Variants in TOX2 observed in about 807,000 individuals in gnomAD.
TOX2 encodes the protein granulosa cell HMG box 1.
In TOX2, 15 loss-of-function variants were observed where a neutral mutation model predicts 47.4. That is an observed-to-expected ratio of 0.32 (90% CI 0.21 to 0.49). The LOEUF is 0.49. Among genes scored for constraint, TOX2 ranks in the 20% least tolerant of loss-of-function variants. The pLI, the probability that TOX2 is intolerant of heterozygous loss-of-function variation, is 0.99. For missense variants in TOX2, 622 were observed against 673.1 expected (o/e 0.92, Z 0.84); for synonymous variants, 290 against 296.6 (o/e 0.98, Z 0.23).
chr20:44,069,040 C>T lies in TOX2; in HGVS notation c.*354C>T. 1 of 426,212 alleles carries T rather than the reference C, an allele frequency of 2.3e-6. No individual in the cohort carries two copies. Among genetic ancestry groups the T allele is most frequent in the Non-Finnish European group, 4.5e-6 (1 of 220,690 alleles). 26.4% of individuals were successfully genotyped at this position (426,212 alleles called of 1,614,324 possible). A position where few individuals can be genotyped will look rare whatever the true frequency, so the allele number is the denominator to read the frequency against. ...GGCCGCCCCTGGCGGGGTCGCTTAC[C>T]AACGGACACCCACCCCAGATGCATG... On this transcript the variant is annotated 3_prime_UTR_variant, in exon 9 of 9. Transcript: ENST00000341197.
chr20:44,064,160 C>T (rs977399506), intron 5 of TOX2, among the ~76,000 whole-genome samples: 2 of 152,134 alleles, frequency 1.3e-5, no homozygotes, highest in East Asian at 1.9e-4. Context: ...CAAGAGGGCT[C>T]ACCAATATGT....
intron 1 of TOX2, among the ~76,000 whole-genome samples, chr20:43,933,745 C>T (rs1479320548): frequency 6.6e-6 from 1 of 152,158 alleles, no homozygotes; most frequent in African/African-American, 2.4e-5. Context: ...AGGTATCATG[C>T]CTCCTGTGCC....
At chr20:43,976,709 A>G (rs891450508) in intron 2 of TOX2, among the ~76,000 whole-genome samples, 6 of 152,168 alleles carry the variant, frequency 3.9e-5, no homozygotes, top group African/African-American at 1.4e-4. Context: ...CTAGACTTGA[A>G]TGATGAAAGT....
At chr20:44,031,464 T>C (rs765794658) in intron 3 of TOX2, among the ~76,000 whole-genome samples, 8 of 152,186 alleles carry the variant, frequency 5.3e-5, no homozygotes, top group Admixed American at 2.0e-4. Context: ...TCCATCTGTT[T>C]GTCCCGCTGG....
intron 2 of TOX2, among the ~76,000 whole-genome samples, chr20:43,984,060 G>C (rs930130212): frequency 6.6e-6 from 1 of 152,170 alleles, no homozygotes; most frequent in East Asian, 1.9e-4. Flanking sequence ...TGAAGAGCTC[G>C]CGATTCATAT....
chr20:43,957,865 A>G (rs2069694320), intron 1 of TOX2, among the ~76,000 whole-genome samples: 1 of 152,188 alleles, frequency 6.6e-6, no homozygotes, highest in South Asian at 2.1e-4. Flanking sequence ...CAGGAGAGAC[A>G]GAGCAAGTGG....
intron 1 of TOX2, among the ~76,000 whole-genome samples, chr20:43,963,344 G>T (rs186969467): frequency 6.6e-6 from 1 of 152,118 alleles, no homozygotes; most frequent in East Asian, 1.9e-4. Context: ...TCCTGAAGGG[G>T]CCCACAGCAC....
chr20:43,939,070 C>T (rs1208804630), intron 1 of TOX2, among the ~76,000 whole-genome samples: 2 of 152,192 alleles, frequency 1.3e-5, no homozygotes, highest in Admixed American at 1.3e-4. Flanking sequence ...GCCAAAGCCC[C>T]AGCTTGGGTA....
At chr20:44,068,184 A>G (rs1388439033) in intron 8 of TOX2, among the ~76,000 whole-genome samples, 2 of 152,078 alleles carry the variant, frequency 1.3e-5, no homozygotes, top group Non-Finnish European at 2.9e-5. Context: ...CAAAAGTCAG[A>G]ATACTTAGGG....
At chr20:44,059,026 C>CA (rs1600798221) in intron 5 of TOX2, among the ~76,000 whole-genome samples, 1 of 151,908 alleles carries the variant, frequency 6.6e-6, no homozygotes, top group South Asian at 2.1e-4. Flanking sequence ...CAAACCAAGA[C>CA]AAAATCTCTG....
At chr20:43,989,445 A>G (rs1028001616) in intron 2 of TOX2, among the ~76,000 whole-genome samples, 1 of 152,208 alleles carries the variant, frequency 6.6e-6, no homozygotes, top group African/African-American at 2.4e-5. Flanking sequence ...ACAGTCGTTA[A>G]GAGTGCCAAT....
intron 2 of TOX2, among the ~76,000 whole-genome samples, chr20:44,004,547 A>G (rs992575068): frequency 6.6e-6 from 1 of 152,198 alleles, no homozygotes; most frequent in Non-Finnish European, 1.5e-5. Context: ...TCTGGGTCCC[A>G]GTGGTGGGTC....
chr20:43,994,000 A>G (rs1314676079), intron 2 of TOX2, among the ~76,000 whole-genome samples: 1 of 151,976 alleles, frequency 6.6e-6, no homozygotes, highest in East Asian at 1.9e-4. Flanking sequence ...AAAAAAATAA[A>G]AAATAGTAGG....
intron 3 of TOX2, chr20:44,039,294 C>T: frequency 1.6e-6 from 2 of 1,289,276 alleles, no homozygotes; most frequent in Non-Finnish European, 2.0e-6. Flanking sequence ...CCACATGTCC[C>T]CAGGGAGCTC....
chr20:44,046,780 T>A (rs1012335826), intron 3 of TOX2, among the ~76,000 whole-genome samples: 4 of 152,236 alleles, frequency 2.6e-5, no homozygotes, highest in African/African-American at 9.6e-5. Context: ...TACAGTATTA[T>A]TTCCAATATA....
chr20:44,038,748 C>T (rs1373380181), intron 3 of TOX2, among the ~76,000 whole-genome samples: 1 of 152,078 alleles, frequency 6.6e-6, no homozygotes, highest in Non-Finnish European at 1.5e-5. Flanking sequence ...TGTGAATCGG[C>T]AGAAGGCGGG....
intron 1 of TOX2, among the ~76,000 whole-genome samples, chr20:43,939,093 C>A (rs891199595): frequency 2.0e-5 from 3 of 152,182 alleles, no homozygotes; most frequent in African/African-American, 7.2e-5. Flanking sequence ...CCCCTTGTCT[C>A]TTGGAGCCCC....
At chr20:43,994,562 G>A (rs759102988) in intron 2 of TOX2, among the ~76,000 whole-genome samples, 13 of 151,936 alleles carry the variant, frequency 8.6e-5, no homozygotes, top group Non-Finnish European at 1.9e-4. Context: ...TTCAGATGCT[G>A]TTGCCCACAA....
Position 43,977,578 on chromosome 20 carries a change from G to GT in TOX2, c.165+4147dup, listed in dbSNP as rs11480633. ...TTCACCGCCGCTCTACGGGCTTGAA[G>GT]TGTTTTTTTTTGCAAATACATTCTC... is the stretch of plus-strand genomic sequence containing the variant. On this transcript the variant is annotated intron_variant, in intron 2 of 8. Transcript: ENST00000341197. Among the ~76,000 whole-genome samples the GT allele has an allele frequency of 2.9e-3, 435 of 151,750 alleles. 5 individuals carry two copies. The highest frequency in any genetic ancestry group is 9.6e-3 in the African/African-American group (396 of 41,356).
Sources: gnomAD v4.1 joint callset for allele counts (sites outside exome capture counted in the v4.1 genomes callset) on GRCh38, gnomAD v4.1.1 for gene constraint, MANE v1.5 for transcripts, NCBI Gene and HGNC (gene_info 2026-07-23, HGNC 2026-07-21) for gene names.